The following CDH23 variants were observed in gnomAD, a reference collection of about 807,000 sequenced individuals.
The protein encoded by CDH23 is cadherin-23.
CDH23 carries 189 observed loss-of-function variants against 317.1 expected under a neutral mutation model. The ratio of observed to expected loss-of-function variants is 0.60; its 90% confidence interval spans 0.53 to 0.67. The LOEUF is 0.67. CDH23 is among the 30% of genes least tolerant of loss of function. CDH23 has a pLI of 0.00. For synonymous variants in CDH23, 1,839 were observed against 1,876.8 expected (o/e 0.98, Z 0.52); for missense variants, 4,401 against 4,592.4 (o/e 0.96, Z 1.20).
chr10:71,665,402 T>C (rs1218447357), intron 14 of CDH23, among the ~76,000 whole-genome samples: 2 of 152,228 alleles, frequency 1.3e-5, no homozygotes, highest in Non-Finnish European at 2.9e-5. Context: ...CCTGGAGTTG[T>C]AGTCAGAGTT....
intron 6 of CDH23, among the ~76,000 whole-genome samples, chr10:71,557,179 C>T (rs992567297): frequency 2.0e-5 from 3 of 152,218 alleles, no homozygotes; most frequent in African/African-American, 7.2e-5. Context: ...ATGTTATTCA[C>T]AGCTGAGCCA....
At chr10:71,401,266 G>A (rs1444670890) in intron 1 of CDH23, among the ~76,000 whole-genome samples, 1 of 152,184 alleles carries the variant, frequency 6.6e-6, no homozygotes, top group Non-Finnish European at 1.5e-5. Flanking sequence ...TGCCCCTCCA[G>A]CCTGTGCCTC....
At position 71,751,908 on chromosome 10, in the gene CDH23, G is replaced by A. The variant is rs766939172; in HGVS notation, c.4845+9987G>A. On this transcript the variant is annotated intron_variant, in intron 38 of 69. Coordinates refer to ENST00000224721, the MANE Select transcript of CDH23 (RefSeq NM_022124.6). This position sits in a 1 kb window ranked among gnomAD's most constrained non-coding sequence, Gnocchi z 4.9. Reference sequence around the variant, plus strand: ...AGGTCATCTGTGCTGTCCGGAGCGTGAACTCTGCCCTCCCTGCCCCCAGTT... The same window carrying A: ...AGGTCATCTGTGCTGTCCGGAGCGTAAACTCTGCCCTCCCTGCCCCCAGTT... The A allele has an allele frequency of 6.6e-7, 1 of 1,525,436 alleles. No individual in the cohort carries two copies. The highest frequency in any genetic ancestry group is 1.3e-5 in the South Asian group (1 of 79,690). The allele number at this position is 1,525,436 out of a possible 1,614,324, so 94.5% of individuals were successfully genotyped here.
At chr10:71,418,035 T>A (rs914357926) in intron 1 of CDH23, among the ~76,000 whole-genome samples, 7 of 152,214 alleles carry the variant, frequency 4.6e-5, no homozygotes, top group Non-Finnish European at 1.0e-4. Context: ...TTTTGGGAAT[T>A]TATTTTTATT....
chr10:71,536,265 G>A (rs1039033197), intron 6 of CDH23, among the ~76,000 whole-genome samples: 1 of 152,342 alleles, frequency 6.6e-6, no homozygotes, highest in African/African-American at 2.4e-5. Context: ...CTTGATGGAG[G>A]CCAAGGCAAT....
chr10:71,555,494 G>A (rs1564650387), intron 6 of CDH23, among the ~76,000 whole-genome samples: 2 of 152,280 alleles, frequency 1.3e-5, no homozygotes, highest in Admixed American at 6.5e-5. Flanking sequence ...TGGGCCAGCC[G>A]TCCGTCCCTG....
At chr10:71,655,983 G>A (rs1863401040) in intron 14 of CDH23, among the ~76,000 whole-genome samples, 1 of 152,124 alleles carries the variant, frequency 6.6e-6, no homozygotes, top group South Asian at 2.1e-4. Context: ...CCCAAGGCCT[G>A]GCTTCCAGGC....
At chr10:71,610,109 A>G (rs1661113635) in intron 9 of CDH23, among the ~76,000 whole-genome samples, 2 of 152,026 alleles carry the variant, frequency 1.3e-5, no homozygotes, top group African/African-American at 4.8e-5. Context: ...GGTTCAAACA[A>G]TTCTCCTGCT....
At chr10:71,605,739 A>G (rs1860493224) in intron 9 of CDH23, among the ~76,000 whole-genome samples, 2 of 152,132 alleles carry the variant, frequency 1.3e-5, no homozygotes, top group Non-Finnish European at 2.9e-5. Context: ...GCTGCATTTC[A>G]TATCATAACT....
chr10:71,690,458 C>T lies in CDH23; in HGVS notation c.2060-10C>T. 6.3e-7 allele frequency: 1 copy of T among 1,580,502 alleles called. No homozygotes were observed. ...CAGCACCCCCTGCCCCCACCTTTTT[C>T]CCCCTGAAGGAGCCACGGTGCTGTT... On this transcript the variant is annotated splice_polypyrimidine_tract_variant and intron_variant, in intron 19 of 69. Transcript: ENST00000224721.
At chr10:71,765,912 G>A (rs1453511554) in intron 38 of CDH23, among the ~76,000 whole-genome samples, 1 of 152,182 alleles carries the variant, frequency 6.6e-6, no homozygotes, top group Non-Finnish European at 1.5e-5. Context: ...ACAGGGGTTT[G>A]TCCTGGGGAG....
chr10:71,655,950 C>T (rs182353369), intron 14 of CDH23, among the ~76,000 whole-genome samples: 17 of 152,286 alleles, frequency 1.1e-4, no homozygotes, highest in African/African-American at 4.1e-4. Flanking sequence ...CAAGCATATG[C>T]AGAAGACTGC....
intron 3 of CDH23, among the ~76,000 whole-genome samples, chr10:71,466,298 ATG>A (rs927518278): frequency 1.8e-4 from 27 of 152,176 alleles, no homozygotes; most frequent in Admixed American, 3.3e-4. Context: ...ATACCTGCCC[ATG>A]TGTGTGAGTC....
intron 3 of CDH23, among the ~76,000 whole-genome samples, chr10:71,474,560 C>T (rs1278421716): frequency 6.6e-6 from 1 of 152,216 alleles, no homozygotes. Flanking sequence ...TGGCAACTAG[C>T]AGCTGTTAGA....
rs1841484365 is a variant in CDH23 at position 71,799,043 on chromosome 10, C to T, written c.7055-68C>T. The T allele has an allele frequency of 4.7e-6, 7 of 1,491,532 alleles. No individual in the cohort carries two copies. In the South Asian group the frequency reaches 7.4e-5, roughly 16 times the overall value. 92.4% of individuals were successfully genotyped at this position (1,491,532 alleles called of 1,614,324 possible). ...GCCCCTCGGAGTCCAGGTCTTTCTC[C>T]TCATACTTTGGAGAGCTGCCATGAA... On this transcript the variant is annotated intron_variant, in intron 50 of 69. Transcript: ENST00000224721.
chr10:71,445,425 G>A (rs981799348), intron 2 of CDH23, among the ~76,000 whole-genome samples: 1 of 152,178 alleles, frequency 6.6e-6, no homozygotes, highest in Admixed American at 6.5e-5. Context: ...GGGCACCAGG[G>A]TTCCACCCGT....
At chr10:71,403,277 C>T (rs892891106) in intron 1 of CDH23, among the ~76,000 whole-genome samples, 1 of 152,092 alleles carries the variant, frequency 6.6e-6, no homozygotes, top group East Asian at 1.9e-4. Context: ...GCTGAGTTGC[C>T]GGTACCCCTT....
intron 33 of CDH23, 134 bp from the exon 34 acceptor site, chr10:71,734,522 A>T: frequency 6.3e-7 from 1 of 1,599,518 alleles, no homozygotes; most frequent in South Asian, 1.1e-5. Flanking sequence ...GGCTAGGATG[A>T]GACCTCAGGC....
chr10:71,498,689 A>C (rs1314842971), intron 3 of CDH23, among the ~76,000 whole-genome samples: 2 of 152,186 alleles, frequency 1.3e-5, no homozygotes, highest in African/African-American at 4.8e-5. Flanking sequence ...GTGTGACTTT[A>C]GGCAAGTAAC....
Sources: gnomAD v4.1 joint callset for allele counts (sites outside exome capture counted in the v4.1 genomes callset) on GRCh38, gnomAD v4.1.1 for gene constraint, Gnocchi (gnomAD v3.1) non-coding constraint, MANE v1.5 for transcripts, NCBI Gene and HGNC (gene_info 2026-07-23, HGNC 2026-07-21) for gene names.